Variants in UBE2G2 observed in about 807,000 individuals in gnomAD.
UBE2G2 encodes ubiquitin conjugating enzyme E2 G2.
UBE2G2 carries 10 observed loss-of-function variants against 23.0 expected under a neutral mutation model. That is an observed-to-expected ratio of 0.43 (90% CI 0.27 to 0.74). The LOEUF is 0.74. Ranked by LOEUF, UBE2G2 falls within the 30% of genes least tolerant of loss-of-function variation. The probability of loss-of-function intolerance (pLI) is 0.19; values close to 1 mark genes in which losing one functional copy is unlikely to be tolerated. For synonymous variants in UBE2G2, 86 were observed against 81.3 expected (o/e 1.06, Z -0.31); for missense variants, 150 against 218.3 (o/e 0.69, Z 1.97).
At chr21:44,800,319 G>A (rs1309513087) in intron 1 of UBE2G2, 1 of 152,176 alleles carries the variant, frequency 6.6e-6, no homozygotes, top group East Asian at 1.9e-4. Flanking sequence ...AACGTTTACA[G>A]GAGGCCCTGT....
intron 3 of UBE2G2, 89 bp from the exon 4 acceptor site, chr21:44,777,506 CA>C: frequency 7.1e-7 from 1 of 1,399,464 alleles, no homozygotes; most frequent in Non-Finnish European, 1.0e-6. Context: ...ACATTTTTAC[CA>C]CTTTAAAAAT....
intron 4 of UBE2G2, 127 bp from the exon 5 acceptor site, chr21:44,773,814 G>A (rs2082892469): frequency 1.5e-6 from 2 of 1,321,514 alleles, no homozygotes; most frequent in East Asian, 2.5e-5. Flanking sequence ...TTGCACAGCT[G>A]GGGCATAGCC....
intron 3 of UBE2G2, among the ~76,000 whole-genome samples, chr21:44,786,052 C>T (rs1235260448): frequency 1.7e-4 from 25 of 147,314 alleles, no homozygotes; most frequent in Non-Finnish European, 3.4e-4. Flanking sequence ...AATGAGCTTC[C>T]AAATAGGCCT....
intron 3 of UBE2G2, among the ~76,000 whole-genome samples, chr21:44,780,421 T>C (rs1364822512): frequency 6.6e-6 from 1 of 152,210 alleles, no homozygotes; most frequent in Non-Finnish European, 1.5e-5. Flanking sequence ...GAAGATGGCC[T>C]CACCTGGGAA....
chr21:44,776,150 G>A (rs1375545290), intron 4 of UBE2G2, among the ~76,000 whole-genome samples: 6 of 151,922 alleles, frequency 3.9e-5, no homozygotes, highest in Non-Finnish European at 7.4e-5. Context: ...AAACCCCTAT[G>A]GCAAAGATGT....
In UBE2G2 at chr21:44,801,742, C is replaced by G; in HGVS notation, c.7G>C (p.Gly3Arg). ...GCCATCAGCCTCTTGAGCGCGGTCC[C>G]CGCCATGGCCCCGCAACAGCTGCGC... MAGTALKRLMAEY... is the reference protein window; with the variant it reads MARTALKRLMAEY... The change falls in exon 1 of 6, where the codon GGG becomes CGG. Residue 3 changes from glycine to arginine, a missense_variant. By Grantham distance (125) the Gly-to-Arg change is moderately radical. Transcript: ENST00000345496. The G allele has an allele frequency of 1.3e-6, 2 of 1,520,396 alleles. No homozygotes were observed. Among genetic ancestry groups the G allele is most frequent in the Non-Finnish European group, 1.8e-6 (2 of 1,136,116 alleles). The allele number at this position is 1,520,396 out of a possible 1,614,324, so 94.2% of individuals were successfully genotyped here.
chr21:44,798,566 CAGG>C (rs1344639392), intron 1 of UBE2G2, among the ~76,000 whole-genome samples: 1 of 152,200 alleles, frequency 6.6e-6, no homozygotes, highest in African/African-American at 2.4e-5. Flanking sequence ...GCATTTTCAC[CAGG>C]AGTAGATTCC....
chr21:44,801,401 G>T, intron 1 of UBE2G2: 1 of 1,197,668 alleles, frequency 8.3e-7, no homozygotes, highest in Non-Finnish European at 1.0e-6. Context: ...TCTCAAGGCT[G>T]CCAAGAAAAG....
intron 4 of UBE2G2, chr21:44,774,713 A>C (rs1000691194): frequency 1.5e-5 from 7 of 456,332 alleles, no homozygotes; most frequent in Admixed American, 4.7e-5. Flanking sequence ...AACTAGATGC[A>C]TACTTGCCCT....
intron 1 of UBE2G2, among the ~76,000 whole-genome samples, chr21:44,793,280 C>T (rs967385148): frequency 4.6e-5 from 7 of 152,236 alleles, no homozygotes; most frequent in Admixed American, 3.3e-4. Context: ...AAATCACCTT[C>T]GTGGGACCAT....
At chr21:44,779,478 G>A (rs1157093181) in intron 3 of UBE2G2, among the ~76,000 whole-genome samples, 4 of 151,576 alleles carry the variant, frequency 2.6e-5, no homozygotes, top group Admixed American at 6.6e-5. Flanking sequence ...TACAACAGCC[G>A]CGCTGGAGAG....
chr21:44,795,765 G>A (rs1259470713), intron 1 of UBE2G2, among the ~76,000 whole-genome samples: 5 of 152,164 alleles, frequency 3.3e-5, no homozygotes, highest in African/African-American at 7.2e-5. Context: ...AAAACTGGCC[G>A]TTTCTTTAAA....
intron 1 of UBE2G2, among the ~76,000 whole-genome samples, chr21:44,790,445 G>A (rs1276078824): frequency 6.6e-6 from 1 of 152,188 alleles, no homozygotes; most frequent in Non-Finnish European, 1.5e-5. Context: ...GATATGGTTT[G>A]GCTTTGTGTC....
At chr21:44,796,673 C>T (rs2083092434) in intron 1 of UBE2G2, among the ~76,000 whole-genome samples, 1 of 152,226 alleles carries the variant, frequency 6.6e-6, no homozygotes. Flanking sequence ...TAAAACAATA[C>T]TCATTGATGA....
At chr21:44,784,585 T>C (rs2082981219) in intron 3 of UBE2G2, among the ~76,000 whole-genome samples, 1 of 152,162 alleles carries the variant, frequency 6.6e-6, no homozygotes, top group Admixed American at 6.5e-5. Flanking sequence ...AGATGCCCTG[T>C]GACAGTCTTC....
intron 1 of UBE2G2, among the ~76,000 whole-genome samples, chr21:44,793,244 GGCA>G (rs2083059165): frequency 6.6e-6 from 1 of 152,238 alleles, no homozygotes; most frequent in African/African-American, 2.4e-5. Flanking sequence ...GTAGAGGCCT[GGCA>G]GCAGAACACA....
intron 1 of UBE2G2, among the ~76,000 whole-genome samples, chr21:44,796,945 C>G (rs2083094672): frequency 6.6e-6 from 1 of 152,242 alleles, no homozygotes; most frequent in Non-Finnish European, 1.5e-5. Flanking sequence ...CACCCCCATC[C>G]TGCCTTCACT....
chr21:44,795,648 A>G (rs1373952948), intron 1 of UBE2G2, among the ~76,000 whole-genome samples: 2 of 151,886 alleles, frequency 1.3e-5, no homozygotes, highest in African/African-American at 4.8e-5. Flanking sequence ...AAAAAGAAAG[A>G]AAGAAAGAAA....
intron 4 of UBE2G2, among the ~76,000 whole-genome samples, chr21:44,776,117 CG>C (rs1471844882): frequency 1.1e-4 from 17 of 151,290 alleles, no homozygotes; most frequent in African/African-American, 4.1e-4. Flanking sequence ...GTGAAGTGGC[CG>C]GGGGTGGGGG....
Sources: gnomAD v4.1 joint callset for allele counts (sites outside exome capture counted in the v4.1 genomes callset) on GRCh38, gnomAD v4.1.1 for gene constraint, MANE v1.5 for transcripts, NCBI Gene and HGNC (gene_info 2026-07-23, HGNC 2026-07-21) for gene names.